Variants in OIT3 observed in about 807,000 individuals in gnomAD.
The protein encoded by OIT3 is oncoprotein-induced transcript 3 protein.
Under a neutral mutation model 52.2 loss-of-function variants are expected in OIT3, and 41 were observed. That is an observed-to-expected ratio of 0.79 (90% CI 0.61 to 1.02). The LOEUF is 1.02. Ranked by LOEUF, OIT3 falls within the 50% of genes least tolerant of loss-of-function variation. The pLI is 0.00. For missense variants in OIT3, 634 were observed against 715.5 expected (o/e 0.89, Z 1.30); for synonymous variants, 244 against 276.9 (o/e 0.88, Z 1.18).
intron 7 of OIT3, among the ~76,000 whole-genome samples, chr10:72,927,827 C>T (rs1846182706): frequency 6.6e-6 from 1 of 152,146 alleles, no homozygotes; most frequent in Non-Finnish European, 1.5e-5. Flanking sequence ...CCTGTCTGAT[C>T]CTTACTGGTT....
At chr10:72,925,212 T>C (rs566831487) in intron 7 of OIT3, among the ~76,000 whole-genome samples, 2 of 151,680 alleles carry the variant, frequency 1.3e-5, no homozygotes, top group South Asian at 2.1e-4. Context: ...GAAAAGCAGA[T>C]TTGAGGTTAA....
chr10:72,923,377 A>G (rs1428417673), intron 6 of OIT3, among the ~76,000 whole-genome samples: 1 of 152,172 alleles, frequency 6.6e-6, no homozygotes, highest in South Asian at 2.1e-4. Context: ...TGCTAGCCTT[A>G]ACATACCTGT....
At chr10:72,917,326 T>G (rs1846081587) in intron 6 of OIT3, among the ~76,000 whole-genome samples, 1 of 152,160 alleles carries the variant, frequency 6.6e-6, no homozygotes. Flanking sequence ...TTTACTTTAT[T>G]AAAATACTGA....
chr10:72,896,590 G>A (rs1487182306), intron 1 of OIT3, among the ~76,000 whole-genome samples: 1 of 152,220 alleles, frequency 6.6e-6, no homozygotes, highest in Admixed American at 6.5e-5. Context: ...TTAGCAGTGG[G>A]CTACACTTTT....
intron 2 of OIT3, 93 bp from the exon 3 acceptor site, chr10:72,900,284 A>ACCC: frequency 1.6e-6 from 1 of 642,536 alleles, no homozygotes; most frequent in South Asian, 1.9e-5. Context: ...TAGGGATACC[A>ACCC]CCCCCCCCGA....
At chr10:72,904,952 A>T (rs1383691143) in intron 3 of OIT3, among the ~76,000 whole-genome samples, 1 of 152,202 alleles carries the variant, frequency 6.6e-6, no homozygotes, top group African/African-American at 2.4e-5. Flanking sequence ...GCTCCCACTC[A>T]TGGAGGAAGG....
At chr10:72,929,903 G>C (rs1846201562) in intron 7 of OIT3, among the ~76,000 whole-genome samples, 1 of 152,108 alleles carries the variant, frequency 6.6e-6, no homozygotes, top group African/African-American at 2.4e-5. Flanking sequence ...GCTTTAAGCA[G>C]TAGACCTGAG....
At position 72,911,157 on chromosome 10, in the gene OIT3, T is replaced by G. The variant is rs552189044; in HGVS notation, c.668-560T>G. Among the ~76,000 whole-genome samples the G allele has an allele frequency of 2.6e-5, 4 of 152,304 alleles. No individual in the cohort carries two copies. In the East Asian group the frequency reaches 5.8e-4, roughly 22 times the overall value. ...AAAGGACCATCACCAAGGGTTTGGT[T>G]GAATGGACTCAGCATGTTGTCCAGG... On this transcript the variant is annotated intron_variant, in intron 4 of 8. Coordinates refer to ENST00000334011, the MANE Select transcript of OIT3 (RefSeq NM_152635.3).
chr10:72,912,687 T>C (rs1368128267), intron 5 of OIT3, among the ~76,000 whole-genome samples: 1 of 152,206 alleles, frequency 6.6e-6, no homozygotes, highest in Non-Finnish European at 1.5e-5. Context: ...CTTCATGTAT[T>C]GGACTCTGAC....
chr10:72,896,448 A>G (rs1018873871), intron 1 of OIT3, among the ~76,000 whole-genome samples: 6 of 152,246 alleles, frequency 3.9e-5, no homozygotes, highest in South Asian at 2.1e-4. Context: ...TCTAGGGTTC[A>G]GCCGAGATAC....
chr10:72,917,089 T>C (rs540025536), intron 6 of OIT3, among the ~76,000 whole-genome samples: 14 of 152,186 alleles, frequency 9.2e-5, no homozygotes, highest in African/African-American at 3.4e-4. Context: ...GAGAAAAAAA[T>C]TTTTCTCCCA....
In OIT3 at chr10:72,924,262, G is replaced by A. The variant is rs1228071794; in HGVS notation, c.985G>A (p.Val329Met). Residue 329 changes from valine (V) to methionine (M), a missense_variant, in exon 7 of 9, where the codon GTG becomes ATG. Coordinates refer to ENST00000334011, the MANE Select transcript of OIT3 (RefSeq NM_152635.3). ...TGACAAGATTGTGGCCAGCAACCTC[G>A]TGACAGGTCTACCCAAGCAGACCCC... Reference protein sequence around the residue: ...VNDKIVASNLVTGLPKQTPGS... With the variant: ...VNDKIVASNLMTGLPKQTPGS... 34 of 1,606,082 alleles carry A rather than the reference G, an allele frequency of 2.1e-5. No homozygotes were observed. Among genetic ancestry groups the A allele is most frequent in the Non-Finnish European group, 2.7e-5 (32 of 1,174,134 alleles).
chr10:72,899,956 A>G, intron 2 of OIT3, among the ~76,000 whole-genome samples: 1 of 152,208 alleles, frequency 6.6e-6, no homozygotes, highest in East Asian at 1.9e-4. Context: ...CTTAGTCTAT[A>G]GCTCTTGTAT....
intron 6 of OIT3, among the ~76,000 whole-genome samples, chr10:72,922,738 C>T (rs1018632379): frequency 2.0e-5 from 3 of 152,082 alleles, no homozygotes; most frequent in Non-Finnish European, 4.4e-5. Flanking sequence ...AGTGGTGATG[C>T]GGTCATTTGG....
At chr10:72,922,299 G>A (rs181904845) in intron 6 of OIT3, among the ~76,000 whole-genome samples, 1 of 151,680 alleles carries the variant, frequency 6.6e-6, no homozygotes, top group African/African-American at 2.4e-5. Flanking sequence ...TATTCTCCCA[G>A]CTCTTTCAGG....
intron 4 of OIT3, among the ~76,000 whole-genome samples, chr10:72,908,245 A>T (rs550828730): frequency 1.3e-5 from 2 of 152,286 alleles, no homozygotes; most frequent in East Asian, 3.9e-4. Flanking sequence ...CCAGCTAAAA[A>T]AAAAAATCCC....
At chr10:72,901,685 C>A (rs1202264255) in intron 3 of OIT3, among the ~76,000 whole-genome samples, 1 of 152,092 alleles carries the variant, frequency 6.6e-6, no homozygotes, top group Non-Finnish European at 1.5e-5. Flanking sequence ...GTGATCTCAG[C>A]TCATTGCAGC....
intron 8 of OIT3, among the ~76,000 whole-genome samples, chr10:72,931,178 T>C (rs1846213676): frequency 6.6e-6 from 1 of 152,172 alleles, no homozygotes; most frequent in Non-Finnish European, 1.5e-5. Flanking sequence ...TGATAATCTG[T>C]AATAATAATC....
intron 6 of OIT3, 68 bp downstream of exon 6, chr10:72,913,536 G>A: frequency 8.0e-7 from 1 of 1,251,882 alleles, no homozygotes; most frequent in Non-Finnish European, 1.2e-6. Context: ...AGTGGACAGA[G>A]GTATGCCATG....
Sources: gnomAD v4.1 joint callset for allele counts (sites outside exome capture counted in the v4.1 genomes callset) on GRCh38, gnomAD v4.1.1 for gene constraint, MANE v1.5 for transcripts, NCBI Gene and HGNC (gene_info 2026-07-23, HGNC 2026-07-21) for gene names.